The following FMNL2 variants were observed in gnomAD, a reference collection of about 807,000 sequenced individuals.
The protein encoded by FMNL2 is formin like 2.
In FMNL2, 51 loss-of-function variants were observed where a neutral mutation model predicts 130.2. The observed-to-expected ratio is 0.39, with a 90% CI of 0.31 to 0.49. The LOEUF is 0.49. Among genes scored for constraint, FMNL2 ranks in the 20% least tolerant of loss-of-function variants. FMNL2 has a pLI of 0.85. For synonymous variants in FMNL2, 465 were observed against 467.1 expected (o/e 1.00, Z 0.06); for missense variants, 977 against 1,316.2 (o/e 0.74, Z 3.99).
At chr2:152,355,364 G>A (rs1370779112) in intron 1 of FMNL2, among the ~76,000 whole-genome samples, 2 of 152,120 alleles carry the variant, frequency 1.3e-5, no homozygotes, top group East Asian at 3.8e-4. Flanking sequence ...TTGAAAATAA[G>A]ACCTTGATGG....
intron 9 of FMNL2, among the ~76,000 whole-genome samples, chr2:152,600,302 C>A (rs1697983215): frequency 6.6e-6 from 1 of 152,150 alleles, no homozygotes; most frequent in Non-Finnish European, 1.5e-5. Context: ...AGGCGCCAGG[C>A]AACAAGGCAA....
At chr2:152,427,509 C>T (rs531879350) in intron 1 of FMNL2, among the ~76,000 whole-genome samples, 2 of 152,268 alleles carry the variant, frequency 1.3e-5, no homozygotes, top group African/African-American at 4.8e-5. Flanking sequence ...CATGCCACTG[C>T]ACTCCAGCCT....
At chr2:152,335,858 G>C (rs976744485) in intron 1 of FMNL2, 138 bp downstream of exon 1, 2 of 566,700 alleles carry the variant, frequency 3.5e-6, no homozygotes, top group African/African-American at 4.1e-5. Context: ...TTTCCCCTTT[G>C]TGGCCCCCCA....
intron 1 of FMNL2, among the ~76,000 whole-genome samples, chr2:152,473,920 G>C (rs12991474): frequency 0.043 from 6,577 of 152,186 alleles, 474 homozygotes; most frequent in African/African-American, 0.15. Flanking sequence ...TGTCGCCCAG[G>C]CTGGAGTGCA....
At chr2:152,563,259 A>G (rs1362923782) in intron 6 of FMNL2, among the ~76,000 whole-genome samples, 1 of 152,224 alleles carries the variant, frequency 6.6e-6, no homozygotes, top group Admixed American at 6.5e-5. Context: ...GGTGTGCTTG[A>G]AGATGACCAG....
intron 9 of FMNL2, among the ~76,000 whole-genome samples, chr2:152,607,061 A>G (rs1405263456): frequency 6.8e-6 from 1 of 146,976 alleles, no homozygotes; most frequent in African/African-American, 2.5e-5. Flanking sequence ...ATGTATGCTA[A>G]AAAATTCGTG....
intron 1 of FMNL2, among the ~76,000 whole-genome samples, chr2:152,352,995 A>G (rs575209723): frequency 5.9e-5 from 9 of 152,228 alleles, no homozygotes; most frequent in South Asian, 2.1e-4. Flanking sequence ...TCTTATTTCT[A>G]TTTAACCAAT....
At chr2:152,512,932 T>A (rs546293940) in intron 1 of FMNL2, among the ~76,000 whole-genome samples, 1 of 152,312 alleles carries the variant, frequency 6.6e-6, no homozygotes, top group East Asian at 1.9e-4. Flanking sequence ...TCTGATTTGA[T>A]CTTCTGAAAC....
At chr2:152,378,626 GCATTGT>G (rs1204825816) in intron 1 of FMNL2, among the ~76,000 whole-genome samples, 1 of 152,052 alleles carries the variant, frequency 6.6e-6, no homozygotes, top group Non-Finnish European at 1.5e-5. Flanking sequence ...TACTTATTAA[GCATTGT>G]CTGTGTGATT....
chr2:152,471,683 C>A (rs1689865480), intron 1 of FMNL2, among the ~76,000 whole-genome samples: 1 of 152,010 alleles, frequency 6.6e-6, no homozygotes, highest in African/African-American at 2.4e-5. Context: ...TAAATAGGAA[C>A]CTCTTCATAT....
intron 1 of FMNL2, among the ~76,000 whole-genome samples, chr2:152,350,226 G>T (rs1425215127): frequency 6.6e-6 from 1 of 152,126 alleles, no homozygotes; most frequent in African/African-American, 2.4e-5. Context: ...TTCTCCGTTT[G>T]CTGGTTCAGG....
At chr2:152,569,571 C>T (rs1019474998) in intron 6 of FMNL2, among the ~76,000 whole-genome samples, 1 of 151,420 alleles carries the variant, frequency 6.6e-6, no homozygotes, top group Non-Finnish European at 1.5e-5. Context: ...GTCTTAGCTC[C>T]TTGGGGGGCT....
At chr2:152,368,028 G>A (rs1031207061) in intron 1 of FMNL2, among the ~76,000 whole-genome samples, 3 of 152,152 alleles carry the variant, frequency 2.0e-5, no homozygotes, top group African/African-American at 4.8e-5. Flanking sequence ...CGTGACTCAC[G>A]TGTGCATTAA....
intron 2 of FMNL2, among the ~76,000 whole-genome samples, chr2:152,534,665 A>G (rs976161341): frequency 7.2e-5 from 11 of 151,844 alleles, no homozygotes; most frequent in Admixed American, 5.3e-4. Flanking sequence ...GGGACTCTGA[A>G]AGATCATCTG....
Position 152,626,617 on chromosome 2 carries a change from G to A in FMNL2, c.2055G>A (p.Gln685=). 1 of 1,613,020 alleles carries A rather than the reference G, an allele frequency of 6.2e-7. No homozygotes were observed. Among genetic ancestry groups the A allele is most frequent in the Non-Finnish European group, 8.5e-7 (1 of 1,179,524 alleles). The change falls in exon 17 of 26, where the codon CAG becomes CAA. Residue 685 remains glutamine, a synonymous_variant. Coordinates refer to ENST00000288670, the MANE Select transcript of FMNL2 (RefSeq NM_052905.4). ...CTTCAAGCAAACAGAAGATACCACA[G>A]AAGGGATCAAACAAAGTGACATTAC... ...DLSSSKQKIP[Q]KGSNKVTLLE...
intron 6 of FMNL2, 77 bp downstream of exon 6, chr2:152,561,112 G>A (rs1579965059): frequency 1.4e-6 from 2 of 1,433,368 alleles, no homozygotes; most frequent in South Asian, 2.9e-5. Context: ...TGATGATTCT[G>A]GGCACTGTAT....
rs1025845814 is a variant in FMNL2, at chr2:152,357,018, A to C, written c.117+21298A>C. 1.3e-3 allele frequency among the ~76,000 whole-genome samples: 189 copies of C among 148,246 alleles called. 1 individual carries two copies. The highest frequency in any genetic ancestry group is 4.2e-3 in the African/African-American group (170 of 40,742). On this transcript the variant is annotated intron_variant, in intron 1 of 25. Coordinates refer to ENST00000288670, the MANE Select transcript of FMNL2 (RefSeq NM_052905.4). Reference sequence around the variant, plus strand: ...TAAATATTAAATAAGTTTAATATATAATGATAAATATTACATAAGTTTAAT... The same window carrying C: ...TAAATATTAAATAAGTTTAATATATCATGATAAATATTACATAAGTTTAAT...
chr2:152,523,071 TTTTA>T (rs1693183364), intron 2 of FMNL2, among the ~76,000 whole-genome samples: 1 of 152,190 alleles, frequency 6.6e-6, no homozygotes, highest in Middle Eastern at 3.2e-3. Flanking sequence ...CAAATATTAA[TTTTA>T]CTTAAGCATA....
intron 9 of FMNL2, among the ~76,000 whole-genome samples, chr2:152,602,918 T>C (rs1233019461): frequency 1.3e-5 from 2 of 152,226 alleles, no homozygotes; most frequent in Non-Finnish European, 2.9e-5. Context: ...ATGATGGTCC[T>C]GTTTCACCCA....
Sources: gnomAD v4.1 joint callset for allele counts (sites outside exome capture counted in the v4.1 genomes callset) on GRCh38, gnomAD v4.1.1 for gene constraint, MANE v1.5 for transcripts, NCBI Gene and HGNC (gene_info 2026-07-23, HGNC 2026-07-21) for gene names.